The following SLC26A5 variants were observed in gnomAD, a reference collection of about 807,000 sequenced individuals.
SLC26A5 encodes solute carrier family 26 member 5.
In SLC26A5, 51 loss-of-function variants were observed where a neutral mutation model predicts 81.0. The observed-to-expected ratio is 0.63, with a 90% confidence interval of 0.50 to 0.80. The LOEUF (loss-of-function observed/expected upper bound fraction) is 0.80, where lower values mean the gene tolerates loss of function less well. Among genes scored for constraint, SLC26A5 ranks in the 30% least tolerant of loss-of-function variants. SLC26A5 has a pLI of 0.00. For synonymous variants in SLC26A5, 325 were observed against 332.8 expected (o/e 0.98, Z 0.25); for missense variants, 771 against 905.8 (o/e 0.85, Z 1.91).
At chr7:103,360,887 G>A (rs1313676400) in intron 19 of SLC26A5, among the ~76,000 whole-genome samples, 1 of 152,008 alleles carries the variant, frequency 6.6e-6, no homozygotes, top group East Asian at 1.9e-4. Context: ...CGAAGCAGGT[G>A]GATCACTTGA....
chr7:103,405,634 G>A (rs553087918), intron 8 of SLC26A5, among the ~76,000 whole-genome samples: 6 of 152,302 alleles, frequency 3.9e-5, no homozygotes, highest in Admixed American at 2.0e-4. Flanking sequence ...CTACTGGGAG[G>A]TGTCTCCCAG....
chr7:103,366,653 T>TAAAC (rs1820733763), intron 19 of SLC26A5, among the ~76,000 whole-genome samples: 1 of 152,350 alleles, frequency 6.6e-6, no homozygotes, highest in African/African-American at 2.4e-5. Flanking sequence ...TTCCATACTT[T>TAAAC]AAACAACTCG....
intron 19 of SLC26A5, among the ~76,000 whole-genome samples, chr7:103,356,103 C>T (rs1820017338): frequency 6.6e-6 from 1 of 151,906 alleles, no homozygotes; most frequent in Non-Finnish European, 1.5e-5. Flanking sequence ...GTTTGGCCCT[C>T]GTAATCCTCT....
rs72655395 is a variant in SLC26A5 at position 103,380,593 on chromosome 7, G to A, written c.1515-44C>T. On this transcript the variant is annotated intron_variant, in intron 14 of 19. Transcript: ENST00000306312. ...AAATACCATTGTGTTGAGGCACAGC[G>A]TGTGATTTCAACAGGAGGTTGTGTA... 4.4e-3 allele frequency: 6,878 copies of A among 1,551,366 alleles called. 248 individuals are homozygous for A. In the African/African-American group the frequency reaches 0.083, roughly 19 times the overall value.
intron 2 of SLC26A5, among the ~76,000 whole-genome samples, chr7:103,439,780 C>A (rs181034260): frequency 6.6e-6 from 1 of 152,150 alleles, no homozygotes; most frequent in African/African-American, 2.4e-5. Flanking sequence ...GCGATCTGCC[C>A]GCTTTGGCCT....
chr7:103,374,246 A>T lies in SLC26A5; in HGVS notation c.*153T>A, dbSNP rs1466541834. ...ATTCAATTAAAAAAACACAAGTACA[A>T]TACATCTTGCTAGGCGTCATTCACC... On this transcript the variant is annotated 3_prime_UTR_variant, in exon 20 of 20. Coordinates refer to ENST00000306312, the MANE Select transcript of SLC26A5 (RefSeq NM_198999.3). The T allele has an allele frequency of 3.0e-5, 43 of 1,456,402 alleles. No homozygotes were observed. The highest frequency in any genetic ancestry group is 3.9e-5 in the Non-Finnish European group (43 of 1,110,296). 90.2% of individuals were successfully genotyped at this position (1,456,402 alleles called of 1,614,324 possible).
intron 5 of SLC26A5, 100 bp from the exon 6 acceptor site, chr7:103,411,686 G>T: frequency 3.0e-6 from 4 of 1,335,522 alleles, no homozygotes; most frequent in African/African-American, 1.5e-5. Flanking sequence ...AAGAAATCAT[G>T]CTTGAAGGAA....
chr7:103,366,373 T>A (rs897313285), intron 19 of SLC26A5, among the ~76,000 whole-genome samples: 1 of 152,234 alleles, frequency 6.6e-6, no homozygotes, highest in South Asian at 2.1e-4. Context: ...TTTCAAAGCC[T>A]TTATTTTTGT....
At chr7:103,380,239 A>C (rs1821667049) in intron 15 of SLC26A5, among the ~76,000 whole-genome samples, 1 of 152,196 alleles carries the variant, frequency 6.6e-6, no homozygotes, top group Non-Finnish European at 1.5e-5. Flanking sequence ...TGTATACTTT[A>C]ATTTCAACAA....
At chr7:103,377,934 T>C in intron 17 of SLC26A5, 135 bp from the exon 18 acceptor site, 1 of 818,178 alleles carries the variant, frequency 1.2e-6, no homozygotes, top group South Asian at 1.4e-5. Context: ...AAAATATTTG[T>C]CATATTCTAG....
At position 103,390,461 on chromosome 7, in the gene SLC26A5, C is replaced by T. The variant is rs1822553814; in HGVS notation, c.1279G>A (p.Ala427Thr). ...ASLMILLVIL[A>T]TGFLFESLPQ... ...AATGATTCAAAGAGGAATCCAGTTG[C>T]TAATATGACCAGCAGAATCATTAAT... is the stretch of plus-strand genomic sequence containing the variant. The change falls in exon 12 of 20, where the codon GCA becomes ACA. Residue 427 changes from alanine to threonine, a missense_variant. By Grantham distance (58) the Ala-to-Thr change is moderately conservative. Coordinates refer to ENST00000306312, the MANE Select transcript of SLC26A5 (RefSeq NM_198999.3). 5 of 1,614,140 alleles carry T rather than the reference C, an allele frequency of 3.1e-6. No individual in the cohort carries two copies. The highest frequency in any genetic ancestry group is 2.5e-6 in the Non-Finnish European group (3 of 1,180,016).
Position 103,374,602 on chromosome 7 carries a change from G to T in SLC26A5, c.2042-10C>A, listed in dbSNP as rs886061847. On this transcript the variant is annotated splice_polypyrimidine_tract_variant and intron_variant, in intron 19 of 19. Transcript: ENST00000306312. Reference sequence around the variant, plus strand: ...TCATTCACAACTTGTGCTATTAAAAGAAGAAAAGAAAATTAGTCCACACTC... The same window carrying T: ...TCATTCACAACTTGTGCTATTAAAATAAGAAAAGAAAATTAGTCCACACTC... 1 of 1,610,812 alleles carries T rather than the reference G, an allele frequency of 6.2e-7. No individual in the cohort carries two copies. Among genetic ancestry groups the T allele is most frequent in the Non-Finnish European group, 8.5e-7 (1 of 1,178,778 alleles).
chr7:103,431,723 G>C (rs1826096888), intron 2 of SLC26A5, among the ~76,000 whole-genome samples: 1 of 152,174 alleles, frequency 6.6e-6, no homozygotes, highest in Admixed American at 6.5e-5. Context: ...GGTATTTCAG[G>C]TGGGATTTGT....
chr7:103,375,316 A>T (rs553873814), intron 19 of SLC26A5, among the ~76,000 whole-genome samples: 1 of 152,042 alleles, frequency 6.6e-6, no homozygotes, highest in Admixed American at 6.5e-5. Flanking sequence ...CAATGCTGTG[A>T]TGATCAACGA....
chr7:103,435,262 C>T (rs763505179), intron 2 of SLC26A5, among the ~76,000 whole-genome samples: 1 of 152,058 alleles, frequency 6.6e-6, no homozygotes, highest in Non-Finnish European at 1.5e-5. Context: ...TTAAAAAAGG[C>T]GATTTTCTTT....
chr7:103,410,334 T>G (rs908209052), intron 7 of SLC26A5, 51 bp downstream of exon 7: 12 of 1,464,906 alleles, frequency 8.2e-6, no homozygotes, highest in Non-Finnish European at 9.6e-6. Flanking sequence ...AAGAGAAGGT[T>G]GGGGGGAATA....
Position 103,367,668 on chromosome 7 carries a change from G to C in SLC26A5, c.2041+9140C>G, listed in dbSNP as rs1820784781. On this transcript the variant is annotated intron_variant, in intron 19 of 19. Coordinates refer to the SLC26A5 transcript ENST00000339444. This position sits in a 1 kb window ranked among gnomAD's most constrained non-coding sequence, Gnocchi z 6.1. ...GGGATTTTTGAAGTTTTTTCTTCCT[G>C]TGATTTTTTTCCATTTTAATATTTG... 6.2e-7 allele frequency: 1 copy of C among 1,608,512 alleles called. No homozygotes were observed. The highest frequency in any genetic ancestry group is 1.3e-5 in the African/African-American group (1 of 74,496).
In SLC26A5 at chr7:103,403,731, T is replaced by C. The variant is rs1198782183; in HGVS notation, c.888+4120A>G. Among the ~76,000 whole-genome samples the C allele has an allele frequency of 2.0e-5, 3 of 150,856 alleles. No homozygotes were observed. The South Asian group carries it at 6.3e-4, about 32-fold the overall frequency. On this transcript the variant is annotated intron_variant, in intron 8 of 19. Coordinates refer to ENST00000306312, the MANE Select transcript of SLC26A5 (RefSeq NM_198999.3). ...TTTTTTGCTTTTCATTTGCTTGGTA[T>C]ATCTTCCTCCATCCCTTTATTTTGA... is the stretch of plus-strand genomic sequence containing the variant.
At chr7:103,377,500 C>A in intron 18 of SLC26A5, 99 bp downstream of exon 18, 2 of 1,145,824 alleles carry the variant, frequency 1.7e-6, no homozygotes, top group Admixed American at 1.8e-5. Flanking sequence ...GGGGATAAAT[C>A]TTTTGTTGAA....
Sources: gnomAD v4.1 joint callset for allele counts (sites outside exome capture counted in the v4.1 genomes callset) on GRCh38, gnomAD v4.1.1 for gene constraint, Gnocchi (gnomAD v3.1) non-coding constraint, MANE v1.5 for transcripts, NCBI Gene and HGNC (gene_info 2026-07-23, HGNC 2026-07-21) for gene names.